TUBGCP2: variants seen among roughly 807,000 people sequenced by gnomAD.
The protein encoded by TUBGCP2 is tubulin gamma complex component 2.
Under a neutral mutation model 92.2 loss-of-function variants are expected in TUBGCP2, and 55 were observed. The observed-to-expected ratio is 0.60, with a 90% CI of 0.48 to 0.75. The LOEUF (loss-of-function observed/expected upper bound fraction) is 0.75, where lower values mean the gene tolerates loss of function less well. TUBGCP2 is among the 30% of genes least tolerant of loss of function. The pLI is 0.00. For synonymous variants in TUBGCP2, 533 were observed against 505.2 expected (o/e 1.06, Z -0.74); for missense variants, 1,093 against 1,188.9 (o/e 0.92, Z 1.19).
At chr10:133,310,123 G>A, upstream of TUBGCP2, 5 of 1,612,608 alleles carry the variant, frequency 3.1e-6, no homozygotes, top group Non-Finnish European at 4.2e-6. Flanking sequence ...CGGTGGGGGA[G>A]GGCCAGGGGT....
intron 2 of TUBGCP2, 46 bp downstream of exon 2, chr10:133,302,746 G>A (rs768239082): frequency 2.5e-6 from 4 of 1,608,036 alleles, no homozygotes; most frequent in Non-Finnish European, 2.5e-6. Flanking sequence ...CCTGACCCAG[G>A]AACAGTGCTC....
upstream of TUBGCP2, chr10:133,310,251 G>A (rs776627133): frequency 5.6e-6 from 9 of 1,613,902 alleles, no homozygotes; most frequent in Admixed American, 1.7e-5. Flanking sequence ...CCTGTACCCC[G>A]CGGACTTCCG....
Position 133,287,982 on chromosome 10 carries a change from G to A in TUBGCP2, c.1722+147C>T, listed in dbSNP as rs540629929. ...CAAAGACCCCCGATCCCGGCAAGCCGGCCCCGGTAGCCAAGTGAAGGAAAC... is the reference window on the plus strand; with the variant it reads ...CAAAGACCCCCGATCCCGGCAAGCCAGCCCCGGTAGCCAAGTGAAGGAAAC... On this transcript the variant is annotated intron_variant, in intron 11 of 17. Coordinates refer to ENST00000252936, the MANE Select transcript of TUBGCP2 (RefSeq NM_006659.4). 4.9e-5 allele frequency: 57 copies of A among 1,161,874 alleles called. No individual in the cohort carries two copies. The East Asian group carries it at 6.4e-4, about 13-fold the overall frequency. The allele number at this position is 1,161,874 out of a possible 1,614,324, so 72.0% of individuals were successfully genotyped here.
chr10:133,310,013 C>T (rs1229908297), upstream of TUBGCP2: 1 of 1,611,522 alleles, frequency 6.2e-7, no homozygotes, highest in Admixed American at 1.7e-5. Flanking sequence ...AGGCCACCCC[C>T]CATTGGTGAT....
At chr10:133,297,528 T>C in intron 5 of TUBGCP2, 1 of 383,982 alleles carries the variant, frequency 2.6e-6, no homozygotes, top group Non-Finnish European at 5.0e-6. Context: ...ACACGAACAC[T>C]ACTTAAGAGG....
chr10:133,288,004 A>G, intron 11 of TUBGCP2, 125 bp downstream of exon 11: 1 of 1,310,020 alleles, frequency 7.6e-7, no homozygotes, highest in South Asian at 1.6e-5. Context: ...CAAGTGAAGG[A>G]AACAGACCCT....
upstream of TUBGCP2, chr10:133,309,918 G>GC (rs1847949755): frequency 6.2e-7 from 1 of 1,613,450 alleles, no homozygotes; most frequent in South Asian, 1.1e-5. Context: ...CCTGCTGGAC[G>GC]CCCACATCCT....
In TUBGCP2 at chr10:133,293,757, A is replaced by G; in HGVS notation, c.629T>C (p.Leu210Pro). 6.3e-7 allele frequency: 1 copy of G among 1,590,570 alleles called. No homozygotes were observed. Among genetic ancestry groups the G allele is most frequent in the Non-Finnish European group, 8.6e-7 (1 of 1,169,586 alleles). Residue 210 changes from leucine to proline, a missense_variant, in exon 6 of 18, where the codon CTG (leucine) becomes CCG (proline). Physicochemically the swap from Leu to Pro is moderately conservative, Grantham distance 98 (BLOSUM62 -3). Around this residue, in one of 3 missense-constraint regions of TUBGCP2, gnomAD observed 490 missense variants for 488.5 expected, o/e 1.00. Coordinates refer to ENST00000252936, the MANE Select transcript of TUBGCP2 (RefSeq NM_006659.4). ...CACCACGGCCGACTCCTGCGAGGCC[A>G]GGGGCAACGTGCCTGCGGGCACAGA... Reference protein sequence around the residue: ...DTALPIGTLPLASQESAVVED... With the variant: ...DTALPIGTLPPASQESAVVED...
chr10:133,301,224 G>A (rs1217789403), intron 2 of TUBGCP2, among the ~76,000 whole-genome samples: 1 of 152,076 alleles, frequency 6.6e-6, no homozygotes, highest in African/African-American at 2.4e-5. Flanking sequence ...CACCTCCCTG[G>A]TTCAAGTAAT....
intron 13 of TUBGCP2, 109 bp downstream of exon 13, chr10:133,284,976 A>C: frequency 6.8e-7 from 1 of 1,462,954 alleles, no homozygotes; most frequent in Non-Finnish European, 9.1e-7. Context: ...CACTTCCAGA[A>C]GCCTAGAAAG....
At chr10:133,308,733 C>G (rs3008356) in intron 1 of TUBGCP2, 90 bp downstream of exon 1, 56,127 of 322,818 alleles carry the variant, frequency 0.17, 5,818 homozygotes, top group African/African-American at 0.34. Context: ...AGCCGCGTCC[C>G]GCCAGCCCCG....
At chr10:133,294,997 CT>C (rs1223149363) in intron 5 of TUBGCP2, among the ~76,000 whole-genome samples, 2 of 152,204 alleles carry the variant, frequency 1.3e-5, no homozygotes, top group Non-Finnish European at 2.9e-5. Context: ...CTGCCTCTGA[CT>C]CTGCATCACT....
rs574957721 is a variant in TUBGCP2 at position 133,302,658 on chromosome 10, G to A, written c.150+134C>T. 5.9e-5 allele frequency: 67 copies of A among 1,135,606 alleles called. No individual in the cohort carries two copies. In the East Asian group the frequency reaches 1.6e-3, roughly 27 times the overall value. The allele number at this position is 1,135,606 out of a possible 1,614,324, so 70.3% of individuals were successfully genotyped here. A position where few individuals can be genotyped will look rare whatever the true frequency, so the allele number is the denominator to read the frequency against. ...CCCTGCACCCTCACCCAGGAATGGT[G>A]CTCACCCTGTACCACCCTGACCCAG... is the stretch of plus-strand genomic sequence containing the variant. On this transcript the variant is annotated intron_variant, in intron 2 of 17. Transcript: ENST00000252936.
At chr10:133,311,593 A>G (rs1847988950), upstream of TUBGCP2, 2 of 859,136 alleles carry the variant, frequency 2.3e-6, no homozygotes, top group Admixed American at 5.1e-5. Flanking sequence ...AGACTATGCC[A>G]AAATAGTAAG....
Position 133,293,750 on chromosome 10 carries a change from C to T in TUBGCP2, c.636G>A (p.Ser212=), listed in dbSNP as rs1295271721. ...GGTCCTCCACCACGGCCGACTCCTG[C>T]GAGGCCAGGGGCAACGTGCCTGCGG... ...ALPIGTLPLA[S]QESAVVEDLL... is the part of the protein sequence containing the mutation. Residue 212 remains serine, a synonymous_variant, in exon 6 of 18, where the codon TCG becomes TCA. Coordinates refer to ENST00000252936, the MANE Select transcript of TUBGCP2 (RefSeq NM_006659.4). 8 of 1,593,774 alleles carry T rather than the reference C, an allele frequency of 5.0e-6. No individual in the cohort carries two copies. The highest frequency in any genetic ancestry group is 2.7e-5 in the African/African-American group (2 of 74,764).
intron 10 of TUBGCP2, 134 bp downstream of exon 10, chr10:133,288,706 C>A: frequency 9.4e-7 from 1 of 1,060,752 alleles, no homozygotes; most frequent in Non-Finnish European, 1.3e-6. Context: ...AGCTAGAGAC[C>A]ATCCAGCAGT....
At chr10:133,291,241 CCG>C (rs1847282277) in intron 8 of TUBGCP2, among the ~76,000 whole-genome samples, 10 of 108,196 alleles carry the variant, frequency 9.2e-5, no homozygotes, top group South Asian at 7.7e-4. Flanking sequence ...CACGCGCCCT[CCG>C]TGTCCCCCAT....
rs371554618 is a variant in TUBGCP2 at position 133,288,153 on chromosome 10, A to G, written c.1698T>C (p.Thr566=). The change falls in exon 11 of 18, where the codon ACT becomes ACC. Residue 566 remains threonine (T), a synonymous_variant. Transcript: ENST00000252936. The stretch of plus-strand genomic sequence containing the variant: ...CCTTGAGGTCGTCCTTGAAGGGGTC[A>G]GTGTTGGCCGTGCTCATGCGCAGCG... The part of the protein sequence containing the change: ...ELALRMSTAN[T]DPFKDDLKID... The G allele has an allele frequency of 6.0e-5, 96 of 1,613,426 alleles. No homozygotes were observed. The highest frequency in any genetic ancestry group is 1.6e-4 in the Middle Eastern group (1 of 6,074).
Position 133,279,747 on chromosome 10 carries a change from T to C in TUBGCP2, c.*19A>G, listed in dbSNP as rs1427801441. The C allele has an allele frequency of 1.2e-5, 18 of 1,546,710 alleles. No individual in the cohort carries two copies. The highest frequency in any genetic ancestry group is 1.5e-5 in the Non-Finnish European group (17 of 1,144,628). ...GTCCCTGCTGACCCCACACCCTTCC[T>C]TCCTGTCACAGCCAGGGCTCACTGT... On this transcript the variant is annotated 3_prime_UTR_variant, in exon 18 of 18. Transcript: ENST00000252936.
Sources: gnomAD v4.1 joint callset for allele counts (sites outside exome capture counted in the v4.1 genomes callset) on GRCh38, gnomAD v4.1.1 for gene constraint, gnomAD v4.1.1 regional missense constraint, MANE v1.5 for transcripts, NCBI Gene and HGNC (gene_info 2026-07-23, HGNC 2026-07-21) for gene names.